RANBP2: variants seen among roughly 807,000 people sequenced by gnomAD.
RANBP2 encodes the protein E3 SUMO-protein ligase RanBP2.
RANBP2 carries 57 observed loss-of-function variants against 303.6 expected under a neutral mutation model. The observed-to-expected ratio is 0.19, with a 90% CI of 0.15 to 0.23. The LOEUF (loss-of-function observed/expected upper bound fraction) is 0.23. Among genes scored for constraint, RANBP2 ranks in the 10% least tolerant of loss-of-function variants. The pLI is 1.00. For synonymous variants in RANBP2, 1,167 were observed against 1,301.5 expected, an observed-to-expected ratio of 0.90 and a Z score of 2.23; for missense variants, 3,138 against 3,780.8, an observed-to-expected ratio of 0.83 and a Z score of 4.46.
In RANBP2 at chr2:108,753,912, A is replaced by C. The variant is rs754464760; in HGVS notation, c.2143A>C (p.Arg715=). The C allele has an allele frequency of 1.9e-6, 3 of 1,612,042 alleles. No homozygotes were observed. The highest frequency in any genetic ancestry group is 2.5e-6 in the Non-Finnish European group (3 of 1,179,866). ...EECKNYLRKT[R]DYLIKIIDDS... Reference sequence around the variant, plus strand: ...ATGCAAAAATTATCTGAGAAAGACCAGGGACTACCTAATAAAGATTATAGA... The same window carrying C: ...ATGCAAAAATTATCTGAGAAAGACCCGGGACTACCTAATAAAGATTATAGA... The change falls in exon 15 of 29, where the codon AGG becomes CGG. Residue 715 remains arginine, a synonymous_variant. Transcript: ENST00000283195.
the RANBP2 span, among the ~76,000 whole-genome samples, chr2:109,115,501 T>A: frequency 6.6e-6 from 1 of 152,090 alleles, no homozygotes; most frequent in Non-Finnish European, 1.5e-5. Flanking sequence ...TCCTCCATCC[T>A]TTTATTTTGA....
chr2:109,462,797 C>G, the RANBP2 span, among the ~76,000 whole-genome samples: 1 of 152,146 alleles, frequency 6.6e-6, no homozygotes, highest in East Asian at 1.9e-4. Context: ...CATACTTGAA[C>G]TGTTGTGAGA....
the RANBP2 span, chr2:109,604,809 C>T: frequency 6.6e-6 from 1 of 152,172 alleles, no homozygotes; most frequent in Admixed American, 6.6e-5. Context: ...ACAGTGAGCT[C>T]ATCACTGAAG....
At chr2:108,991,688 C>A in the RANBP2 span, among the ~76,000 whole-genome samples, 1 of 152,310 alleles carries the variant, frequency 6.6e-6, no homozygotes, top group African/African-American at 2.4e-5. Flanking sequence ...TTTAGAGAGT[C>A]AATGGACTCC....
At chr2:108,749,615 A>G (rs1052926749) in intron 9 of RANBP2, among the ~76,000 whole-genome samples, 7 of 152,096 alleles carry the variant, frequency 4.6e-5, no homozygotes, top group Non-Finnish European at 7.4e-5. Context: ...ATTTTGAGAC[A>G]GGGTCTCGCT....
chr2:109,262,999 GTTTTTTGTATTT>G, the RANBP2 span, among the ~76,000 whole-genome samples: 1 of 149,096 alleles, frequency 6.7e-6, no homozygotes, highest in East Asian at 2.0e-4. Context: ...CACCTGGCTC[GTTTTTTGTATTT>G]TTTTTTGTAT....
chr2:109,364,090 T>C, the RANBP2 span, among the ~76,000 whole-genome samples: 2 of 152,134 alleles, frequency 1.3e-5, no homozygotes, highest in Non-Finnish European at 2.9e-5. Flanking sequence ...GTATTCCCAT[T>C]ACATATGTAT....
chr2:108,991,290 T>C, the RANBP2 span, among the ~76,000 whole-genome samples: 215 of 152,366 alleles, frequency 1.4e-3, no homozygotes, highest in Admixed American at 3.4e-3. Context: ...AATCATTGCT[T>C]ATCTTCATCA....
the RANBP2 span, among the ~76,000 whole-genome samples, chr2:109,702,536 T>C: frequency 6.6e-6 from 1 of 152,140 alleles, no homozygotes; most frequent in African/African-American, 2.4e-5. Flanking sequence ...GCAGACATGG[T>C]CTGGGCACCA....
At chr2:109,499,617 A>C in the RANBP2 span, among the ~76,000 whole-genome samples, 1 of 152,140 alleles carries the variant, frequency 6.6e-6, no homozygotes, top group Non-Finnish European at 1.5e-5. Flanking sequence ...TCTAAGCATA[A>C]GGGCCGAGGG....
At chr2:109,648,437 G>A in the RANBP2 span, among the ~76,000 whole-genome samples, 1 of 151,630 alleles carries the variant, frequency 6.6e-6, no homozygotes, top group Non-Finnish European at 1.5e-5. Flanking sequence ...TGCAACCTCC[G>A]CCTCCCAGCA....
At chr2:109,458,600 G>GAGAGAGAGAGAGAGAGAGAGAGAGA in the RANBP2 span, among the ~76,000 whole-genome samples, 2 of 150,680 alleles carry the variant, frequency 1.3e-5, no homozygotes, top group Admixed American at 1.3e-4. Flanking sequence ...GAGAGAGAGA[G>GAGAGAGAGAGAGAGAGAGAGAGAGA]AATTTATTTA....
chr2:109,733,478 G>T, the RANBP2 span, among the ~76,000 whole-genome samples: 2 of 152,096 alleles, frequency 1.3e-5, no homozygotes, highest in African/African-American at 4.8e-5. Flanking sequence ...TATATTCAAT[G>T]GTAAAAGACT....
the RANBP2 span, among the ~76,000 whole-genome samples, chr2:108,903,843 T>C: frequency 4.6e-5 from 7 of 152,114 alleles, no homozygotes; most frequent in African/African-American, 7.2e-5. Flanking sequence ...CTATAAAACT[T>C]CTAGAAAAAA....
chr2:108,908,057 GGGGGGCTGCAGCCCTGACAA>G, the RANBP2 span: 1 of 1,575,392 alleles, frequency 6.3e-7, no homozygotes, highest in African/African-American at 1.3e-5. Context: ...GCAGTGCCTG[GGGGGGCTGCAGCCCTGACAA>G]GTTCTCCTGT....
the RANBP2 span, chr2:108,907,737 T>C: frequency 8.8e-7 from 1 of 1,138,208 alleles, no homozygotes; most frequent in African/African-American, 1.5e-5. Context: ...AGGTCTCCTA[T>C]CTTGGACTTC....
At chr2:108,840,426 T>C in the RANBP2 span, among the ~76,000 whole-genome samples, 2 of 152,190 alleles carry the variant, frequency 1.3e-5, no homozygotes, top group African/African-American at 4.8e-5. Context: ...TTTAAACATT[T>C]GGTAGAATTC....
At chr2:109,373,642 G>A in the RANBP2 span, among the ~76,000 whole-genome samples, 3 of 152,150 alleles carry the variant, frequency 2.0e-5, no homozygotes, top group Non-Finnish European at 2.9e-5. Flanking sequence ...AGTGACCTTG[G>A]GGATTCTGAC....
the RANBP2 span, among the ~76,000 whole-genome samples, chr2:109,514,715 G>A: frequency 2.6e-5 from 4 of 152,300 alleles, no homozygotes; most frequent in African/African-American, 7.2e-5. Flanking sequence ...ACTTTCAGTC[G>A]CTGTGGGACC....
Sources: allele counts gnomAD v4.1 joint callset (sites outside exome capture counted in the v4.1 genomes callset), GRCh38; gene constraint gnomAD v4.1.1; transcripts MANE v1.5; gene names NCBI Gene and HGNC (gene_info 2026-07-23, HGNC 2026-07-21).